Variants in RASIP1 observed in about 807,000 individuals in gnomAD.
RASIP1 encodes ras-interacting protein 1.
Under a neutral mutation model 85.3 loss-of-function variants are expected in RASIP1, and 20 were observed. The observed-to-expected ratio is 0.23, with a 90% confidence interval of 0.17 to 0.34. The LOEUF (loss-of-function observed/expected upper bound fraction) is 0.34. Ranked by LOEUF, RASIP1 falls within the 10% of genes least tolerant of loss-of-function variation. The probability of loss-of-function intolerance (pLI) is 1.00; values close to 1 mark genes in which losing one functional copy is unlikely to be tolerated. For missense variants in RASIP1, 1,170 were observed against 1,390.9 expected, an observed-to-expected ratio of 0.84 and a Z score of 2.53; for synonymous variants, 617 against 647.1, an observed-to-expected ratio of 0.95 and a Z score of 0.71.
rs2033620251 is a variant in RASIP1, at chr19:48,738,911, C to T, written c.823+49G>A. 5.0e-6 allele frequency: 6 copies of T among 1,198,410 alleles called. No individual in the cohort carries two copies. The South Asian group carries it at 2.1e-4, about 41-fold the overall frequency. The allele number at this position is 1,198,410 out of a possible 1,614,324, so 74.2% of individuals were successfully genotyped here. On this transcript the variant is annotated intron_variant, in intron 3 of 11. Transcript: ENST00000222145. This position sits in a 1 kb window ranked among gnomAD's most constrained non-coding sequence, Gnocchi z 4.0. Reference sequence around the variant, plus strand: ...CGCCCAGGCCCCGCCCCACGGACCCCGCCTCTCTGGCACCGAGTCCCCGCC... The same window carrying T: ...CGCCCAGGCCCCGCCCCACGGACCCTGCCTCTCTGGCACCGAGTCCCCGCC...
Position 48,739,050 on chromosome 19 carries a change from G to C in RASIP1, c.733C>G (p.Arg245Gly). The change falls in exon 3 of 12, where the codon CGG becomes GGG. Residue 245 changes from arginine to glycine, a missense_variant. Transcript: ENST00000222145. The surrounding 1 kb of genome is among the most constrained non-coding windows in gnomAD (Gnocchi z 9.2). ...TCGAAGCGCCGCGCCCAGCCGGGCC[G>C]CGCCCGCCACAGCTCCTGCACCAGC... Reference protein sequence around the residue: ...PLLVQELWRARPGWARRFELR... With the variant: ...PLLVQELWRAGPGWARRFELR... The C allele has an allele frequency of 8.0e-7, 1 of 1,251,048 alleles. No homozygotes were observed. The highest frequency in any genetic ancestry group is 1.0e-6 in the Non-Finnish European group (1 of 1,002,048). 77.5% of individuals were successfully genotyped at this position (1,251,048 alleles called of 1,614,324 possible).
intron 11 of RASIP1, 30 bp downstream of exon 11, chr19:48,721,824 G>T (rs199665573): frequency 2.5e-5 from 40 of 1,580,652 alleles, no homozygotes; most frequent in Middle Eastern, 2.2e-4. Context: ...AAAGCTGACA[G>T]CCCCAATGCT....
Position 48,729,529 on chromosome 19 carries a change from G to A in RASIP1, c.1241C>T (p.Ser414Phe), listed in dbSNP as rs1178228161. 10 of 1,601,174 alleles carry A rather than the reference G, an allele frequency of 6.2e-6. No homozygotes were observed. The highest frequency in any genetic ancestry group is 5.1e-5 in the Admixed American group (3 of 58,582). ...QHVFGRGGNS[S>F]GRGGSPAPYV... ...GGGAGCCGGGGACCCCCCGCGGCCA[G>A]ACGAGTTCCCACCTCGCCCAAACAC... Residue 414 changes from serine to phenylalanine, a missense_variant, in exon 5 of 12, where the codon TCT (serine) becomes TTT (phenylalanine). Ser to Phe is a radical substitution (Grantham distance 155). Around this residue, in one of 4 missense-constraint regions of RASIP1, gnomAD observed 301 missense variants for 294.8 expected, o/e 1.02. Transcript: ENST00000222145.
intron 10 of RASIP1, among the ~76,000 whole-genome samples, chr19:48,723,559 CAAAAA>C (rs56200310): frequency 1.3e-5 from 1 of 77,306 alleles, no homozygotes; most frequent in Non-Finnish European, 2.6e-5. Flanking sequence ...GACTCCGTCT[CAAAAA>C]AAAAAAAAAA....
chr19:48,737,502 C>T lies in RASIP1; in HGVS notation c.823+1458G>A, dbSNP rs1381283423. The T allele has an allele frequency of 2.2e-5, 22 of 985,450 alleles. No homozygotes were observed. In the East Asian group the frequency reaches 2.3e-3, roughly 102 times the overall value. The allele number at this position is 985,450 out of a possible 1,614,324, so 61.0% of individuals were successfully genotyped here. A position where few individuals can be genotyped will look rare whatever the true frequency, so the allele number is the denominator to read the frequency against. ...CTCTACAGTGATATCTTCCTTCAGC[C>T]CCTTCCTTTCCCATGTGATCCCACT... On this transcript the variant is annotated intron_variant, in intron 3 of 11. Coordinates refer to ENST00000222145, the MANE Select transcript of RASIP1 (RefSeq NM_017805.3).
intron 4 of RASIP1, among the ~76,000 whole-genome samples, chr19:48,730,426 T>C (rs1449963841): frequency 1.3e-5 from 2 of 152,148 alleles, no homozygotes; most frequent in East Asian, 3.9e-4. Flanking sequence ...CCTCCTAAAG[T>C]GCTGGGATTA....
At chr19:48,734,187 C>T (rs868792264) in intron 4 of RASIP1, among the ~76,000 whole-genome samples, 52 of 151,572 alleles carry the variant, frequency 3.4e-4, no homozygotes, top group Admixed American at 1.3e-3. Context: ...CCCAGCTACT[C>T]GGGAGGCTGA....
chr19:48,725,065 G>A (rs991164539), intron 8 of RASIP1, 105 bp from the exon 9 acceptor site: 5 of 1,389,950 alleles, frequency 3.6e-6, no homozygotes, highest in Admixed American at 2.2e-5. Context: ...AAGTCTTCTG[G>A]GAGTTGTAGT....
Position 48,739,263 on chromosome 19 carries a change from CGCGCGCCGTGGA to C in RASIP1, c.508_519del (p.Ser170_Arg173del), listed in dbSNP as rs2122490203. 6.8e-7 allele frequency: 1 copy of C among 1,470,052 alleles called. No homozygotes were observed. Among genetic ancestry groups the C allele is most frequent in the Non-Finnish European group, 8.9e-7 (1 of 1,118,954 alleles). The allele number at this position is 1,470,052 out of a possible 1,614,324, so 91.1% of individuals were successfully genotyped here. A position where few individuals can be genotyped will look rare whatever the true frequency, so the allele number is the denominator to read the frequency against. ...CGCTCTAGCGCCTCGGCCACGAGCTCGCGCGCCGTGGAGCGCGCCGTGGCCAGCACGCTCTTG... is the reference window on the plus strand; with the variant it reads ...CGCTCTAGCGCCTCGGCCACGAGCTCGCGCGCCGTGGCCAGCACGCTCTTG... On this transcript the variant is annotated inframe_deletion, in exon 3 of 12. Coordinates refer to ENST00000222145, the MANE Select transcript of RASIP1 (RefSeq NM_017805.3). The surrounding 1 kb of genome is among the most constrained non-coding windows in gnomAD (Gnocchi z 9.2).
chr19:48,724,219 G>T lies in RASIP1; in HGVS notation c.2544+118C>A. On this transcript the variant is annotated intron_variant, in intron 10 of 11. Transcript: ENST00000222145. This position sits in a 1 kb window ranked among gnomAD's most constrained non-coding sequence, Gnocchi z 4.6. ...TGTGTTACCCACAGTGTCTGAGCTG[G>T]GGCTGGGGATGGCATGGGGTTCAAG... 5 of 1,077,086 alleles carry T rather than the reference G, an allele frequency of 4.6e-6. No individual in the cohort carries two copies. The highest frequency in any genetic ancestry group is 6.6e-6 in the Non-Finnish European group (5 of 752,376). The allele number at this position is 1,077,086 out of a possible 1,614,324, so 66.7% of individuals were successfully genotyped here. A position where few individuals can be genotyped will look rare whatever the true frequency, so the allele number is the denominator to read the frequency against.
At chr19:48,732,282 GTCTC>G (rs1053190235) in intron 4 of RASIP1, among the ~76,000 whole-genome samples, 2 of 149,368 alleles carry the variant, frequency 1.3e-5, no homozygotes, top group African/African-American at 2.5e-5. Context: ...TTAAGACGGA[GTCTC>G]TCTCTGTTGC....
chr19:48,733,699 C>T (rs1389661578), intron 4 of RASIP1, among the ~76,000 whole-genome samples: 1 of 151,890 alleles, frequency 6.6e-6, no homozygotes, highest in East Asian at 1.9e-4. Flanking sequence ...CCCAGCTACT[C>T]AGGAGGCCGA....
At chr19:48,727,321 G>A (rs2033359026) in intron 6 of RASIP1, 72 bp downstream of exon 6, 1 of 1,569,178 alleles carries the variant, frequency 6.4e-7, no homozygotes, top group African/African-American at 1.4e-5. Context: ...CATGCATGGG[G>A]TGAACACAGA....
At chr19:48,723,840 C>T (rs1383806028) in intron 10 of RASIP1, among the ~76,000 whole-genome samples, 1 of 147,674 alleles carries the variant, frequency 6.8e-6, no homozygotes, top group Non-Finnish European at 1.5e-5. Context: ...CAGGGTCTCG[C>T]TCTGTCGCCC....
Position 48,740,534 on chromosome 19 carries a change from C to T in RASIP1, c.-18G>A, listed in dbSNP as rs909976747. The stretch of plus-strand genomic sequence containing the variant: ...CCTGGCTCTTACCCTGCTTCGGGTC[C>T]GGCACACCCGGAGGCCCTGGCTCCA... On this transcript the variant is annotated 5_prime_UTR_variant, in exon 1 of 12. Coordinates refer to ENST00000222145, the MANE Select transcript of RASIP1 (RefSeq NM_017805.3). The surrounding 1 kb of genome is among the most constrained non-coding windows in gnomAD (Gnocchi z 5.5). 9 of 1,384,320 alleles carry T rather than the reference C, an allele frequency of 6.5e-6. No individual in the cohort carries two copies. The East Asian group carries it at 8.5e-5, about 13-fold the overall frequency. The allele number at this position is 1,384,320 out of a possible 1,614,324, so 85.8% of individuals were successfully genotyped here.
chr19:48,734,006 T>A (rs1035473146), intron 4 of RASIP1, among the ~76,000 whole-genome samples: 48 of 150,690 alleles, frequency 3.2e-4, no homozygotes, highest in African/African-American at 9.4e-4. Flanking sequence ...CATTAAAAAA[T>A]TTTTTTAGGC....
At position 48,720,786 on chromosome 19, in the gene RASIP1, T is replaced by C. The variant is rs773275508; in HGVS notation, c.*12A>G. ...ACATTTCAAGGTTCGCGCGCTCGTTTGGTATTGGTTCTCAAGGAGACGTGG... is the reference window on the plus strand; with the variant it reads ...ACATTTCAAGGTTCGCGCGCTCGTTCGGTATTGGTTCTCAAGGAGACGTGG... On this transcript the variant is annotated 3_prime_UTR_variant, in exon 12 of 12. Transcript: ENST00000222145. 70 of 1,613,132 alleles carry C rather than the reference T, an allele frequency of 4.3e-5. No homozygotes were observed. Among genetic ancestry groups the C allele is most frequent in the South Asian group, 4.2e-4 (38 of 91,064 alleles).
intron 3 of RASIP1, among the ~76,000 whole-genome samples, chr19:48,736,512 C>T (rs1227259025): frequency 1.3e-5 from 2 of 152,172 alleles, no homozygotes; most frequent in Admixed American, 1.3e-4. Flanking sequence ...AGATTGAAAC[C>T]ACCTCTTCCT....
rs916175975 is a variant in RASIP1, at chr19:48,738,814, G to A, written c.823+146C>T. 8.8e-4 allele frequency: 893 copies of A among 1,009,286 alleles called. No individual in the cohort carries two copies. The highest frequency in any genetic ancestry group is 1.5e-3 in the Middle Eastern group (4 of 2,586). The allele number at this position is 1,009,286 out of a possible 1,614,324, so 62.5% of individuals were successfully genotyped here. On this transcript the variant is annotated intron_variant, in intron 3 of 11. Transcript: ENST00000222145. The surrounding 1 kb of genome is among the most constrained non-coding windows in gnomAD (Gnocchi z 4.0). Reference sequence around the variant, plus strand: ...TCTAGCTCTGCCTAGAGTCCAACACGCACCGTCCAGTCCCCTCCCAGTCCC... The same window carrying A: ...TCTAGCTCTGCCTAGAGTCCAACACACACCGTCCAGTCCCCTCCCAGTCCC...
Sources: allele counts gnomAD v4.1 joint callset (sites outside exome capture counted in the v4.1 genomes callset), GRCh38; gene constraint gnomAD v4.1.1; regional missense constraint gnomAD v4.1.1; non-coding constraint Gnocchi (gnomAD v3.1); transcripts MANE v1.5; gene names NCBI Gene and HGNC (gene_info 2026-07-23, HGNC 2026-07-21).